Variants in CDK5RAP2 observed in about 807,000 individuals in gnomAD.
CDK5RAP2 encodes CDK5 regulatory subunit associated protein 2, also known as CDK5 regulatory subunit-associated protein 2.
A neutral mutation model predicts 232.9 loss-of-function variants in CDK5RAP2; 147 were observed. The ratio of observed to expected loss-of-function variants is 0.63; its 90% CI spans 0.55 to 0.72. The LOEUF (loss-of-function observed/expected upper bound fraction) is 0.72, where lower values mean the gene tolerates loss of function less well. Among genes scored for constraint, CDK5RAP2 ranks in the 30% least tolerant of loss-of-function variants. The pLI is 0.00. For synonymous variants in CDK5RAP2, 833 were observed against 833.7 expected (o/e 1.00, Z 0.01); for missense variants, 2,195 against 2,231.5 (o/e 0.98, Z 0.33).
At chr9:120,417,424 T>C (rs1281645147) in intron 27 of CDK5RAP2, among the ~76,000 whole-genome samples, 1 of 152,248 alleles carries the variant, frequency 6.6e-6, no homozygotes, top group Admixed American at 6.5e-5. Flanking sequence ...CTTGGTGCCC[T>C]GCAAATCTTC....
chr9:120,528,862 T>C, intron 8 of CDK5RAP2, 65 bp from the exon 9 acceptor site: 1 of 1,124,896 alleles, frequency 8.9e-7, no homozygotes, highest in South Asian at 1.2e-5. Context: ...CCAGAACAAT[T>C]AGAATGAGCA....
Position 120,549,246 on chromosome 9 carries a change from G to A in CDK5RAP2, c.306+1546C>T, listed in dbSNP as rs569574403. Among the ~76,000 whole-genome samples, 5 of 151,708 alleles carry A rather than the reference G, an allele frequency of 3.3e-5. No homozygotes were observed. The South Asian group carries it at 1.0e-3, about 32-fold the overall frequency. On this transcript the variant is annotated intron_variant, in intron 4 of 37. Transcript: ENST00000349780. Reference sequence around the variant, plus strand: ...CATGCTTGCACTTATGTAAAAAGAGGGTTTATACACATACACACACACAAA... The same window carrying A: ...CATGCTTGCACTTATGTAAAAAGAGAGTTTATACACATACACACACACAAA...
At chr9:120,543,492 T>C (rs1341200162) in intron 5 of CDK5RAP2, among the ~76,000 whole-genome samples, 1 of 152,198 alleles carries the variant, frequency 6.6e-6, no homozygotes, top group African/African-American at 2.4e-5. Flanking sequence ...TTCCTACTTA[T>C]CTTTCAGATC....
intron 22 of CDK5RAP2, among the ~76,000 whole-genome samples, chr9:120,446,971 G>A (rs2036225733): frequency 6.6e-6 from 1 of 152,046 alleles, no homozygotes; most frequent in Admixed American, 6.6e-5. Context: ...TCAGCTTTCT[G>A]TCTTCGCCCC....
intron 12 of CDK5RAP2, among the ~76,000 whole-genome samples, chr9:120,498,849 C>T (rs1337527158): frequency 6.6e-6 from 1 of 151,992 alleles, no homozygotes; most frequent in Non-Finnish European, 1.5e-5. Context: ...GGCAACACCC[C>T]ATCTCTAAAA....
At chr9:120,457,845 C>T (rs1381229844) in intron 20 of CDK5RAP2, among the ~76,000 whole-genome samples, 1 of 152,096 alleles carries the variant, frequency 6.6e-6, no homozygotes, top group Non-Finnish European at 1.5e-5. Flanking sequence ...AACTGAGGCA[C>T]TGAGAGATAA....
At chr9:120,450,362 T>C (rs893336405) in intron 21 of CDK5RAP2, among the ~76,000 whole-genome samples, 1 of 152,146 alleles carries the variant, frequency 6.6e-6, no homozygotes, top group African/African-American at 2.4e-5. Context: ...GTGGGCAAGT[T>C]CAGGGGAAAT....
intron 25 of CDK5RAP2, among the ~76,000 whole-genome samples, chr9:120,425,194 A>G (rs2034817167): frequency 6.6e-6 from 1 of 152,184 alleles, no homozygotes; most frequent in Admixed American, 6.5e-5. Flanking sequence ...TCCCCATCAA[A>G]TAACAGACCC....
At chr9:120,568,182 G>C in intron 3 of CDK5RAP2, 139 bp downstream of exon 3, 1 of 750,794 alleles carries the variant, frequency 1.3e-6, no homozygotes, top group South Asian at 1.5e-5. Flanking sequence ...TCTCACAGAA[G>C]ATGTCCATGA....
intron 1 of CDK5RAP2, among the ~76,000 whole-genome samples, chr9:120,577,010 T>C (rs1188442324): frequency 6.6e-6 from 1 of 152,064 alleles, no homozygotes; most frequent in African/African-American, 2.4e-5. Context: ...AATAAACCAG[T>C]CACAGAAGGA....
At chr9:120,564,432 G>T (rs1412876342) in intron 3 of CDK5RAP2, among the ~76,000 whole-genome samples, 1 of 150,474 alleles carries the variant, frequency 6.6e-6, no homozygotes, top group African/African-American at 2.5e-5. Flanking sequence ...TGCGGCTGCA[G>T]TGAGCCGAGA....
At chr9:120,417,596 A>G (rs2034307445) in intron 27 of CDK5RAP2, among the ~76,000 whole-genome samples, 1 of 152,252 alleles carries the variant, frequency 6.6e-6, no homozygotes, top group Admixed American at 6.5e-5. Context: ...TTTGGCCAGG[A>G]GGCGGAATCA....
chr9:120,421,245 C>G (rs1397478291), intron 26 of CDK5RAP2, among the ~76,000 whole-genome samples: 1 of 152,142 alleles, frequency 6.6e-6, no homozygotes, highest in Non-Finnish European at 1.5e-5. Flanking sequence ...CTGACAGCCC[C>G]CAGCCCCTTC....
At chr9:120,487,847 A>G (rs946000206) in intron 13 of CDK5RAP2, among the ~76,000 whole-genome samples, 1 of 152,220 alleles carries the variant, frequency 6.6e-6, no homozygotes, top group Non-Finnish European at 1.5e-5. Context: ...CAAGACTTGC[A>G]CATCAAAACC....
At chr9:120,462,491 T>TA (rs2037146897) in intron 18 of CDK5RAP2, among the ~76,000 whole-genome samples, 1 of 149,772 alleles carries the variant, frequency 6.7e-6, no homozygotes, top group African/African-American at 2.5e-5. Context: ...TGAATGCCCA[T>TA]ATCACCTTTT....
At chr9:120,535,979 T>C (rs538232092) in intron 7 of CDK5RAP2, among the ~76,000 whole-genome samples, 73 of 152,350 alleles carry the variant, frequency 4.8e-4, no homozygotes, top group Middle Eastern at 3.4e-3. Context: ...TTTCCTCTGA[T>C]AGTGCCAAGT....
chr9:120,435,462 T>C (rs2035521870), intron 25 of CDK5RAP2, among the ~76,000 whole-genome samples: 1 of 127,088 alleles, frequency 7.9e-6, no homozygotes, highest in Admixed American at 8.3e-5. Context: ...AAAAATAAAT[T>C]ACACATTTAC....
chr9:120,437,217 T>C, intron 25 of CDK5RAP2, 78 bp downstream of exon 25: 1 of 994,916 alleles, frequency 1.0e-6, no homozygotes, highest in Non-Finnish European at 1.6e-6. Flanking sequence ...GCCAAGGAGT[T>C]AGCTCCTCCT....
chr9:120,492,736 T>G (rs925651169), intron 12 of CDK5RAP2, among the ~76,000 whole-genome samples: 1 of 152,318 alleles, frequency 6.6e-6, no homozygotes, highest in East Asian at 1.9e-4. Flanking sequence ...AATCATGTTA[T>G]AAGTAATGAT....
Sources: gnomAD v4.1 joint callset for allele counts (sites outside exome capture counted in the v4.1 genomes callset) on GRCh38, gnomAD v4.1.1 for gene constraint, MANE v1.5 for transcripts, NCBI Gene and HGNC (gene_info 2026-07-23, HGNC 2026-07-21) for gene names.